The following POU3F3 variants were observed in gnomAD, a reference collection of about 807,000 sequenced individuals.
POU3F3 encodes the protein POU domain, class 3, transcription factor 3.
Under a neutral mutation model 8.6 loss-of-function variants are expected in POU3F3, and 1 was observed. That is an observed-to-expected ratio of 0.12 (90% confidence interval 0.04 to 0.55). The LOEUF is 0.55. POU3F3 is among the 20% of genes least tolerant of loss of function. POU3F3 has a pLI of 0.91. For missense variants in POU3F3, 577 were observed against 690.7 expected (o/e 0.84, Z 1.84); for synonymous variants, 418 against 327.4 (o/e 1.28, Z -2.99).
the POU3F3 span, among the ~76,000 whole-genome samples, chr2:104,917,185 G>T: frequency 2.0e-5 from 3 of 152,332 alleles, no homozygotes; most frequent in South Asian, 6.2e-4. Context: ...GCAGATGGCA[G>T]CTTGTGGGAC....
At chr2:104,892,956 A>G in the POU3F3 span, among the ~76,000 whole-genome samples, 2 of 152,120 alleles carry the variant, frequency 1.3e-5, no homozygotes, top group African/African-American at 2.4e-5. Context: ...AGGCCTGTAC[A>G]ATTCGACTCA....
chr2:104,881,838 C>G, the POU3F3 span, among the ~76,000 whole-genome samples: 1 of 152,174 alleles, frequency 6.6e-6, no homozygotes, highest in Admixed American at 6.5e-5. Context: ...TGAGAACTCT[C>G]CCTCGGCCTC....
At chr2:104,863,672 C>G in the POU3F3 span, among the ~76,000 whole-genome samples, 1 of 152,132 alleles carries the variant, frequency 6.6e-6, no homozygotes, top group Non-Finnish European at 1.5e-5. Flanking sequence ...TGGGTCTTCC[C>G]GGACTGTGGC....
the POU3F3 span, among the ~76,000 whole-genome samples, chr2:104,909,093 G>A: frequency 6.6e-6 from 1 of 152,240 alleles, no homozygotes; most frequent in African/African-American, 2.4e-5. Flanking sequence ...TAGTTATTCT[G>A]AAATCTGTCA....
chr2:104,904,762 T>C, the POU3F3 span, among the ~76,000 whole-genome samples: 1 of 152,306 alleles, frequency 6.6e-6, no homozygotes, highest in Non-Finnish European at 1.5e-5. Context: ...TATCAGTTCC[T>C]GTCCTTTACA....
the POU3F3 span, among the ~76,000 whole-genome samples, chr2:104,881,419 G>A: frequency 2.6e-5 from 4 of 152,032 alleles, no homozygotes; most frequent in Non-Finnish European, 4.4e-5. Context: ...TCTTGCCTCA[G>A]CCTCCCAAAG....
chr2:104,868,707 T>A, the POU3F3 span, among the ~76,000 whole-genome samples: 23 of 152,272 alleles, frequency 1.5e-4, no homozygotes, highest in Admixed American at 6.5e-4. Context: ...CTGGCGGGTC[T>A]GGTTTGGGCA....
chr2:104,913,321 T>G, the POU3F3 span, among the ~76,000 whole-genome samples: 8 of 152,140 alleles, frequency 5.3e-5, no homozygotes, highest in African/African-American at 1.9e-4. Flanking sequence ...CAGCATATCT[T>G]CTGGATTCCC....
chr2:104,868,195 C>T, the POU3F3 span: 1 of 454,800 alleles, frequency 2.2e-6, no homozygotes, highest in Admixed American at 2.4e-5. Context: ...CTCCTACAGG[C>T]GTCTAGGAGT....
chr2:104,863,792 C>A, the POU3F3 span, among the ~76,000 whole-genome samples: 1 of 152,236 alleles, frequency 6.6e-6, no homozygotes, highest in Non-Finnish European at 1.5e-5. Context: ...AACCCATAAC[C>A]TTTCGCTCGG....
At chr2:104,905,964 G>C in the POU3F3 span, among the ~76,000 whole-genome samples, 2 of 152,174 alleles carry the variant, frequency 1.3e-5, no homozygotes, top group African/African-American at 4.8e-5. Context: ...AACATATTTG[G>C]CTGGTGATAG....
the POU3F3 span, among the ~76,000 whole-genome samples, chr2:104,901,929 G>A: frequency 6.6e-6 from 1 of 152,212 alleles, no homozygotes; most frequent in Non-Finnish European, 1.5e-5. Flanking sequence ...TTACTCATGA[G>A]TGGAAATGGA....
the POU3F3 span, among the ~76,000 whole-genome samples, chr2:104,864,073 T>C: frequency 6.6e-6 from 1 of 152,198 alleles, no homozygotes; most frequent in Non-Finnish European, 1.5e-5. Flanking sequence ...CAGGGTAAAC[T>C]GCCTGTGCCT....
chr2:104,856,518 G>A lies in POU3F3; in HGVS notation c.1008G>A (p.Leu336=). 3 of 1,614,022 alleles carry A rather than the reference G, an allele frequency of 1.9e-6. No individual in the cohort carries two copies. Among genetic ancestry groups the A allele is most frequent in the Non-Finnish European group, 2.5e-6 (3 of 1,180,002 alleles). Residue 336 remains leucine (L), a synonymous_variant, in exon 1 of 1, where the codon CTG becomes CTA. Transcript: ENST00000361360. ...AGTTCAAGCAGCGGCGCATCAAGCTGGGCTTCACGCAGGCCGACGTGGGGT... is the reference window on the plus strand; with the variant it reads ...AGTTCAAGCAGCGGCGCATCAAGCTAGGCTTCACGCAGGCCGACGTGGGGT... ...AKQFKQRRIK[L]GFTQADVGLA... is the part of the protein sequence containing the mutation.
At chr2:104,896,664 C>T in the POU3F3 span, among the ~76,000 whole-genome samples, 1 of 152,244 alleles carries the variant, frequency 6.6e-6, no homozygotes, top group Non-Finnish European at 1.5e-5. Flanking sequence ...AGACCATCCC[C>T]TCTGCTCAGT....
the POU3F3 span, among the ~76,000 whole-genome samples, chr2:104,878,417 A>G: frequency 6.6e-6 from 1 of 152,214 alleles, no homozygotes; most frequent in African/African-American, 2.4e-5. Context: ...AATATTGTCT[A>G]CCTGCACGTA....
chr2:104,894,674 A>G, the POU3F3 span, among the ~76,000 whole-genome samples: 1 of 152,218 alleles, frequency 6.6e-6, no homozygotes, highest in Non-Finnish European at 1.5e-5. Flanking sequence ...AAACACAGAT[A>G]GACAGTAAGA....
the POU3F3 span, among the ~76,000 whole-genome samples, chr2:104,877,665 T>C: frequency 0.014 from 2,075 of 149,504 alleles, 48 homozygotes; most frequent in African/African-American, 0.048. Context: ...TTTTTCTTTT[T>C]TTTTTTTTTT....
the POU3F3 span, among the ~76,000 whole-genome samples, chr2:104,906,216 T>C: frequency 6.6e-6 from 1 of 152,332 alleles, no homozygotes; most frequent in Admixed American, 6.5e-5. Context: ...TGATGAGAAG[T>C]AAAACAGAGA....
Sources: allele counts gnomAD v4.1 joint callset (sites outside exome capture counted in the v4.1 genomes callset), GRCh38; gene constraint gnomAD v4.1.1; transcripts MANE v1.5; gene names NCBI Gene and HGNC (gene_info 2026-07-23, HGNC 2026-07-21).